Variants in LHFPL2 observed in about 807,000 individuals in gnomAD.
The protein encoded by LHFPL2 is LHFPL tetraspan subfamily member 2.
A neutral mutation model predicts 17.5 loss-of-function variants in LHFPL2; 7 were observed. The ratio of observed to expected loss-of-function variants is 0.40; its 90% CI spans 0.23 to 0.75. The LOEUF is 0.75. LHFPL2 is among the 30% of genes least tolerant of loss of function. LHFPL2 has a pLI of 0.37. For missense variants in LHFPL2, 241 were observed against 294.8 expected (o/e 0.82, Z 1.34); for synonymous variants, 134 against 116.2 (o/e 1.15, Z -0.99).
intron 2 of LHFPL2, among the ~76,000 whole-genome samples, chr5:78,613,445 C>G (rs976899523): frequency 6.6e-6 from 1 of 152,176 alleles, no homozygotes; most frequent in African/African-American, 2.4e-5. Flanking sequence ...ATTATTAACA[C>G]AAGTCACTTT....
intron 2 of LHFPL2, among the ~76,000 whole-genome samples, chr5:78,618,946 T>C (rs964417825): frequency 1.3e-5 from 2 of 151,838 alleles, no homozygotes; most frequent in Non-Finnish European, 2.9e-5. Context: ...AGACTTGGAG[T>C]TTAGAAATAG....
At chr5:78,639,332 A>G (rs1037538150) in intron 1 of LHFPL2, among the ~76,000 whole-genome samples, 2 of 152,182 alleles carry the variant, frequency 1.3e-5, no homozygotes, top group African/African-American at 4.8e-5. Flanking sequence ...CAAGCTGGGA[A>G]AAACAAACAA....
At chr5:78,524,349 T>C (rs1755550882) in intron 3 of LHFPL2, among the ~76,000 whole-genome samples, 1 of 152,252 alleles carries the variant, frequency 6.6e-6, no homozygotes, top group Non-Finnish European at 1.5e-5. Context: ...TTTATGTGTA[T>C]ACAGCTTCTA....
chr5:78,569,093 T>C (rs1205898214), intron 2 of LHFPL2, among the ~76,000 whole-genome samples: 1 of 152,144 alleles, frequency 6.6e-6, no homozygotes, highest in African/African-American at 2.4e-5. Flanking sequence ...GCAACCATCA[T>C]TCTTATTAAG....
chr5:78,532,491 G>GA (rs1561325373), intron 3 of LHFPL2, among the ~76,000 whole-genome samples: 1 of 152,144 alleles, frequency 6.6e-6, no homozygotes. Flanking sequence ...CAGAAAGACA[G>GA]AAAGAGCCTG....
In LHFPL2 at chr5:78,486,794, C is replaced by T. The variant is rs528620220; in HGVS notation, c.*2103G>A. ...CCAAAGAGCAGGTGATGGACATGCT[C>T]GGAGGATCCTGTGAGCTTAGGACTT... On this transcript the variant is annotated 3_prime_UTR_variant, in exon 5 of 5. Coordinates refer to ENST00000380345, the MANE Select transcript of LHFPL2 (RefSeq NM_005779.3). 1.2e-4 allele frequency: 18 copies of T among 152,210 alleles called. No individual in the cohort carries two copies. The highest frequency in any genetic ancestry group is 3.9e-4 in the African/African-American group (16 of 41,534). 9.4% of individuals were successfully genotyped at this position (152,210 alleles called of 1,614,324 possible). A position where few individuals can be genotyped will look rare whatever the true frequency, so the allele number is the denominator to read the frequency against.
At chr5:78,528,382 T>C (rs541419914) in intron 3 of LHFPL2, among the ~76,000 whole-genome samples, 5 of 152,336 alleles carry the variant, frequency 3.3e-5, no homozygotes, top group Admixed American at 1.3e-4. Flanking sequence ...TAGATTCTCA[T>C]AGGAGCACAA....
chr5:78,506,910 T>C (rs1336006266), intron 4 of LHFPL2, among the ~76,000 whole-genome samples: 1 of 151,872 alleles, frequency 6.6e-6, no homozygotes, highest in African/African-American at 2.4e-5. Flanking sequence ...GTAACAGGGG[T>C]AGGGAGGAAG....
At chr5:78,606,638 C>G (rs1451866576) in intron 2 of LHFPL2, among the ~76,000 whole-genome samples, 1 of 152,150 alleles carries the variant, frequency 6.6e-6, no homozygotes, top group Non-Finnish European at 1.5e-5. Context: ...CCAACTCCAG[C>G]CAGAAACCCT....
At chr5:78,551,336 T>G (rs1477970003) in intron 3 of LHFPL2, among the ~76,000 whole-genome samples, 1 of 152,214 alleles carries the variant, frequency 6.6e-6, no homozygotes, top group Non-Finnish European at 1.5e-5. Context: ...TTTTTGAGAA[T>G]GGCTGAACGT....
Position 78,555,362 on chromosome 5 carries a change from C to T in LHFPL2, c.-186+9451G>A, listed in dbSNP as rs377722905. 5.9e-4 allele frequency among the ~76,000 whole-genome samples: 90 copies of T among 152,308 alleles called. 1 individual carries two copies. In the East Asian group the frequency reaches 7.5e-3, roughly 13 times the overall value. On this transcript the variant is annotated intron_variant, in intron 3 of 4. Coordinates refer to ENST00000380345, the MANE Select transcript of LHFPL2 (RefSeq NM_005779.3). ...TAAAGTAGCATACTCTGCAAAATAT[C>T]AACTTTCATTTGTTTTAGAGAAATC...
chr5:78,502,704 C>T (rs1441568320), intron 4 of LHFPL2, among the ~76,000 whole-genome samples: 1 of 53,068 alleles, frequency 1.9e-5, no homozygotes, highest in African/African-American at 8.8e-5. Flanking sequence ...TTTTAAAAAA[C>T]ATAGTTACTA....
intron 3 of LHFPL2, among the ~76,000 whole-genome samples, chr5:78,532,979 G>T (rs1755831185): frequency 6.6e-6 from 1 of 152,186 alleles, no homozygotes; most frequent in Non-Finnish European, 1.5e-5. Context: ...ACCCTGTCGT[G>T]CTGCAGACTG....
At chr5:78,588,150 T>G (rs536570711) in intron 2 of LHFPL2, among the ~76,000 whole-genome samples, 1 of 152,220 alleles carries the variant, frequency 6.6e-6, no homozygotes, top group Non-Finnish European at 1.5e-5. Context: ...CAAAACTAAC[T>G]TCCTGTGTCT....
At chr5:78,505,176 T>C (rs902548943) in intron 4 of LHFPL2, among the ~76,000 whole-genome samples, 2 of 152,212 alleles carry the variant, frequency 1.3e-5, no homozygotes, top group Admixed American at 1.3e-4. Context: ...ATCTTTGCAT[T>C]CTATGGTTTC....
chr5:78,585,896 C>G (rs1406963060), intron 2 of LHFPL2, among the ~76,000 whole-genome samples: 2 of 152,148 alleles, frequency 1.3e-5, no homozygotes, highest in Admixed American at 1.3e-4. Flanking sequence ...CGAGGTCCTG[C>G]CACTAACAAG....
intron 2 of LHFPL2, among the ~76,000 whole-genome samples, chr5:78,586,263 A>C (rs151170268): frequency 7.2e-4 from 110 of 152,306 alleles, no homozygotes; most frequent in African/African-American, 2.4e-3. Flanking sequence ...GCACCTCACC[A>C]GGCTGCTGTG....
At chr5:78,565,363 A>G (rs1334492162) in intron 2 of LHFPL2, among the ~76,000 whole-genome samples, 5 of 152,232 alleles carry the variant, frequency 3.3e-5, no homozygotes, top group African/African-American at 9.6e-5. Context: ...GGGAAAGTGG[A>G]AAAAGGGCCA....
At chr5:78,547,965 G>A (rs759711561) in intron 3 of LHFPL2, among the ~76,000 whole-genome samples, 11 of 152,232 alleles carry the variant, frequency 7.2e-5, no homozygotes, top group Non-Finnish European at 1.3e-4. Flanking sequence ...TCTCCCCAGG[G>A]AATGGCTGGA....
Sources: gnomAD v4.1 joint callset for allele counts (sites outside exome capture counted in the v4.1 genomes callset) on GRCh38, gnomAD v4.1.1 for gene constraint, MANE v1.5 for transcripts, NCBI Gene and HGNC (gene_info 2026-07-23, HGNC 2026-07-21) for gene names.